The following EIF4G1 variants were observed in gnomAD, a reference collection of about 807,000 sequenced individuals.
EIF4G1 encodes EIF4-gamma.
EIF4G1 carries 4 observed loss-of-function variants against 187.8 expected under a neutral mutation model. That is an observed-to-expected ratio of 0.02 (90% CI 0.01 to 0.05). The LOEUF is 0.05. Among genes scored for constraint, EIF4G1 ranks in the 10% least tolerant of loss-of-function variants. EIF4G1 has a pLI of 1.00. For synonymous variants in EIF4G1, 844 were observed against 781.4 expected (o/e 1.08, Z -1.34); for missense variants, 1,647 against 2,081.1 (o/e 0.79, Z 4.06).
chr3:184,319,526 T>A, intron 6 of EIF4G1, 163 bp from the exon 7 acceptor site: 1 of 630,798 alleles, frequency 1.6e-6, no homozygotes. Flanking sequence ...TTCCCCAGCT[T>A]TGACAGACAC....
In EIF4G1 at chr3:184,323,546, G is replaced by A. The variant is rs1340703031; in HGVS notation, c.2227G>A (p.Ala743Thr). 2 of 1,614,052 alleles carry A rather than the reference G, an allele frequency of 1.2e-6. No individual in the cohort carries two copies. Among genetic ancestry groups the A allele is most frequent in the Admixed American group, 3.3e-5 (2 of 60,006 alleles). ...AWKPSSKRTA[A>T]DKDRGEEDAD... ...GAAACCCAGCAGCAAGCGGACGGCG[G>A]CTGATAAGGATCGAGGGGAAGAAGA... Residue 743 changes from alanine (A) to threonine (T), a missense_variant, in exon 15 of 33, where the codon GCT becomes ACT. Around this residue, in one of 11 missense-constraint regions of EIF4G1, gnomAD observed 140 missense variants for 222.2 expected, o/e 0.63. Transcript: ENST00000346169. This position sits in a 1 kb window ranked among gnomAD's most constrained non-coding sequence, Gnocchi z 6.9.
chr3:184,326,642 T>C lies in EIF4G1; in HGVS notation c.3325+13T>C, dbSNP rs749602217. ...CCCTCAGACGCAGGTATGGAGGCAG[T>C]GTCAGGAGCTGGGTGGTTACCCGTC... On this transcript the variant is annotated intron_variant, in intron 22 of 32. Coordinates refer to ENST00000346169, the MANE Select transcript of EIF4G1 (RefSeq NM_198241.3). The C allele has an allele frequency of 6.2e-7, 1 of 1,607,426 alleles. No individual in the cohort carries two copies. Among genetic ancestry groups the C allele is most frequent in the South Asian group, 1.1e-5 (1 of 91,070 alleles).
chr3:184,320,604 C>T (rs745524836), intron 7 of EIF4G1, 26 bp from the exon 8 acceptor site: 2 of 1,614,060 alleles, frequency 1.2e-6, no homozygotes, highest in South Asian at 1.1e-5. Flanking sequence ...CTGCTTCCCA[C>T]TCATCTTATA....
Position 184,317,337 on chromosome 3 carries a change from G to C in EIF4G1, c.164G>C (p.Arg55Pro). Reference protein sequence around the residue: ...SQPRQHFYPSRAQPPSSAASR... With the variant: ...SQPRQHFYPSPAQPPSSAASR... The stretch of plus-strand genomic sequence containing the variant: ...TCCTGACAGCACTTCTACCCTAGCC[G>C]GGCCCAGCCCCCGAGCAGTGCAGCC... Residue 55 changes from arginine (R) to proline (P), a missense_variant, in exon 5 of 33, where the codon CGG becomes CCG. By Grantham distance (103) the Arg-to-Pro change is moderately radical. Coordinates refer to ENST00000346169, the MANE Select transcript of EIF4G1 (RefSeq NM_198241.3). 1 of 1,614,032 alleles carries C rather than the reference G, an allele frequency of 6.2e-7. No individual in the cohort carries two copies. The highest frequency in any genetic ancestry group is 8.5e-7 in the Non-Finnish European group (1 of 1,180,024).
chr3:184,315,995 C>T, intron 3 of EIF4G1, 137 bp from the exon 4 acceptor site: 1 of 1,529,086 alleles, frequency 6.5e-7, no homozygotes, highest in Non-Finnish European at 8.8e-7. Context: ...CTGGGCTGTC[C>T]CCGGGGGCTG....
intron 21 of EIF4G1, 140 bp from the exon 22 acceptor site, chr3:184,326,387 T>A: frequency 1.2e-6 from 1 of 817,442 alleles, no homozygotes; most frequent in Non-Finnish European, 2.1e-6. Flanking sequence ...GTAGTTGCAA[T>A]AGAGACTGGC....
At chr3:184,331,450 C>T (rs1318362457) in intron 29 of EIF4G1, 22 bp from the exon 30 acceptor site, 1 of 1,614,082 alleles carries the variant, frequency 6.2e-7, no homozygotes. Flanking sequence ...TACCTCTTAA[C>T]TGCGGGCCTT....
At chr3:184,329,087 T>A in intron 28 of EIF4G1, 97 bp downstream of exon 28, 1 of 1,397,252 alleles carries the variant, frequency 7.2e-7, no homozygotes, top group Non-Finnish European at 1.0e-6. Flanking sequence ...TGGAGTGGAG[T>A]GATGGTGATG....
chr3:184,327,777 G>A, intron 25 of EIF4G1, 53 bp from the exon 26 acceptor site: 6 of 1,613,808 alleles, frequency 3.7e-6, no homozygotes, highest in Non-Finnish European at 5.1e-6. Context: ...AGGGGTCCGG[G>A]GTCTGGGTCA....
chr3:184,324,036 C>A, intron 16 of EIF4G1, 59 bp downstream of exon 16: 1 of 1,609,764 alleles, frequency 6.2e-7, no homozygotes, highest in South Asian at 1.1e-5. Flanking sequence ...ATTCCCAAGA[C>A]TCCTTGAGTC....
rs776865468 is a variant in EIF4G1, at chr3:184,335,114, C to T, written c.*206C>T. ...GATGCCGCCAGGTGTCCCTCTCCTC[C>T]CCCTGGGGCACAGAGATATATTATA... On this transcript the variant is annotated 3_prime_UTR_variant, in exon 33 of 33. Transcript: ENST00000346169. 8.0e-6 allele frequency: 5 copies of T among 627,202 alleles called. No homozygotes were observed. In the Admixed American group the frequency reaches 1.1e-4, roughly 14 times the overall value. The allele number at this position is 627,202 out of a possible 1,614,324, so 38.9% of individuals were successfully genotyped here. A position where few individuals can be genotyped will look rare whatever the true frequency, so the allele number is the denominator to read the frequency against.
chr3:184,323,308 C>T lies in EIF4G1; in HGVS notation c.2088+67C>T. 1 of 1,611,606 alleles carries T rather than the reference C, an allele frequency of 6.2e-7. No homozygotes were observed. The highest frequency in any genetic ancestry group is 1.3e-5 in the African/African-American group (1 of 74,996). ...GAGTGGATGATTCCGTGTCTCAGTGCCCGCGGGGAGGGGTTTGCCCTGGAG... is the reference window on the plus strand; with the variant it reads ...GAGTGGATGATTCCGTGTCTCAGTGTCCGCGGGGAGGGGTTTGCCCTGGAG... On this transcript the variant is annotated intron_variant, in intron 14 of 32. Coordinates refer to ENST00000346169, the MANE Select transcript of EIF4G1 (RefSeq NM_198241.3). This position sits in a 1 kb window ranked among gnomAD's most constrained non-coding sequence, Gnocchi z 6.9.
intron 6 of EIF4G1, among the ~76,000 whole-genome samples, chr3:184,318,897 G>A (rs1260938342): frequency 6.6e-6 from 1 of 151,990 alleles, no homozygotes; most frequent in African/African-American, 2.4e-5. Context: ...GAGCCACCAC[G>A]CCTGGCCCTG....
At chr3:184,328,482 C>T (rs951175712) in intron 26 of EIF4G1, 149 bp from the exon 27 acceptor site, 9 of 1,104,984 alleles carry the variant, frequency 8.1e-6, no homozygotes, top group African/African-American at 1.5e-5. Context: ...TCTAAGGACA[C>T]AGAGGTGGCC....
rs1722713861 is a variant in EIF4G1 at position 184,316,016 on chromosome 3, G to T, written c.61-116G>T. The T allele has an allele frequency of 9.7e-6, 15 of 1,542,488 alleles. 1 individual carries two copies. Among genetic ancestry groups the T allele is most frequent in the African/African-American group, 9.6e-5 (7 of 72,772 alleles). On this transcript the variant is annotated intron_variant, in intron 3 of 32. Transcript: ENST00000346169. ...TGTCCCCGGGGGCTGTCACGGGGAGGGGGTATGTGGATTGTTAAGGCTCTT... is the reference window on the plus strand; with the variant it reads ...TGTCCCCGGGGGCTGTCACGGGGAGTGGGTATGTGGATTGTTAAGGCTCTT...
rs1724194537 is a variant in EIF4G1 at position 184,323,064 on chromosome 3, T to C, written c.1930-19T>C. The stretch of plus-strand genomic sequence containing the variant: ...CCGCTCTAGCCTGCTTCTGAGACCT[T>C]TTCCTGTCCTCTTTGCAGGCCAATA... On this transcript the variant is annotated intron_variant, in intron 13 of 32. Transcript: ENST00000346169. The surrounding 1 kb of genome is among the most constrained non-coding windows in gnomAD (Gnocchi z 6.9). 2 of 1,614,036 alleles carry C rather than the reference T, an allele frequency of 1.2e-6. No homozygotes were observed. Among genetic ancestry groups the C allele is most frequent in the Non-Finnish European group, 1.7e-6 (2 of 1,180,040 alleles).
chr3:184,327,707 A>G lies in EIF4G1; in HGVS notation c.3780+3A>G. 2 of 1,614,056 alleles carry G rather than the reference A, an allele frequency of 1.2e-6. No homozygotes were observed. The highest frequency in any genetic ancestry group is 1.1e-5 in the South Asian group (1 of 91,072). Reference sequence around the variant, plus strand: ...ATCTCCATCTCAATGACATGAAAGTAGGCAGTGGGAGCGGCGTGTGATTGA... The same window carrying G: ...ATCTCCATCTCAATGACATGAAAGTGGGCAGTGGGAGCGGCGTGTGATTGA... On this transcript the variant is annotated splice_donor_region_variant and intron_variant, in intron 25 of 32. Coordinates refer to ENST00000346169, the MANE Select transcript of EIF4G1 (RefSeq NM_198241.3).
At chr3:184,315,202 G>C (rs1159745350) in intron 1 of EIF4G1, 2 of 356,796 alleles carry the variant, frequency 5.6e-6, no homozygotes, top group Non-Finnish European at 1.1e-5. Flanking sequence ...GCCGCCGCCC[G>C]CCTGGCCTTT....
At chr3:184,328,845 G>A (rs1577244208) in intron 27 of EIF4G1, 64 bp from the exon 28 acceptor site, 2 of 1,613,928 alleles carry the variant, frequency 1.2e-6, no homozygotes, top group East Asian at 4.5e-5. Context: ...TGGTTTGGAG[G>A]GAGATGGAGT....
Sources: allele counts gnomAD v4.1 joint callset (sites outside exome capture counted in the v4.1 genomes callset), GRCh38; gene constraint gnomAD v4.1.1; regional missense constraint gnomAD v4.1.1; non-coding constraint Gnocchi (gnomAD v3.1); transcripts MANE v1.5; gene names NCBI Gene and HGNC (gene_info 2026-07-23, HGNC 2026-07-21).